Variants in IGF2BP3 observed in about 807,000 individuals in gnomAD.
IGF2BP3 encodes the protein insulin like growth factor 2 mRNA binding protein 3.
A neutral mutation model predicts 73.8 loss-of-function variants in IGF2BP3; 9 were observed. That is an observed-to-expected ratio of 0.12 (90% CI 0.07 to 0.21). The LOEUF (loss-of-function observed/expected upper bound fraction) is 0.21, where lower values mean the gene tolerates loss of function less well. Among genes scored for constraint, IGF2BP3 ranks in the 10% least tolerant of loss-of-function variants. The pLI is 1.00. For synonymous variants in IGF2BP3, 258 were observed against 256.7 expected, an observed-to-expected ratio of 1.01 and a Z score of -0.05; for missense variants, 542 against 714.0, an observed-to-expected ratio of 0.76 and a Z score of 2.75.
In IGF2BP3 at chr7:23,313,600, T is replaced by C; in HGVS notation, c.1449A>G (p.Lys483=). 1 of 1,613,984 alleles carries C rather than the reference T, an allele frequency of 6.2e-7. No homozygotes were observed. The highest frequency in any genetic ancestry group is 8.5e-7 in the Non-Finnish European group (1 of 1,179,914). Residue 483 remains lysine (K), a synonymous_variant, in exon 13 of 15, where the codon AAA becomes AAG. Transcript: ENST00000258729. ...TATGAGCTTCAAGTTTCACCTCTTC[T>C]TTAGGACTAACAAAGTTTTCTTCTT... ...KIKEENFVSP[K]EEVKLEAHIR... is the part of the protein sequence containing the mutation.
Position 23,470,214 on chromosome 7 carries a change from C to T in IGF2BP3, c.-104G>A. ...GCTGGTTTTGTTCCCCTCGTCTTCT[C>T]GCCTTTAAAATACACAAACACAGTA... is the stretch of plus-strand genomic sequence containing the variant. On this transcript the variant is annotated 5_prime_UTR_variant, in exon 1 of 15. Transcript: ENST00000258729. The T allele has an allele frequency of 2.1e-5, 19 of 896,046 alleles. No homozygotes were observed. The highest frequency in any genetic ancestry group is 3.1e-5 in the Non-Finnish European group (18 of 587,138). 55.5% of individuals were successfully genotyped at this position (896,046 alleles called of 1,614,324 possible).
intron 3 of IGF2BP3, among the ~76,000 whole-genome samples, chr7:23,416,853 A>C (rs1035189821): frequency 6.6e-6 from 1 of 152,220 alleles, no homozygotes; most frequent in Non-Finnish European, 1.5e-5. Context: ...CAGGAGTTTG[A>C]GACTAGCCTA....
intron 6 of IGF2BP3, among the ~76,000 whole-genome samples, chr7:23,348,159 T>C (rs898878156): frequency 3.9e-5 from 6 of 152,206 alleles, no homozygotes; most frequent in Non-Finnish European, 8.8e-5. Flanking sequence ...TCTTCATTCA[T>C]TGGATGAGCA....
At chr7:23,362,326 T>A (rs1217642296) in intron 3 of IGF2BP3, among the ~76,000 whole-genome samples, 3 of 152,204 alleles carry the variant, frequency 2.0e-5, no homozygotes, top group African/African-American at 7.2e-5. Context: ...AAGGACTTCT[T>A]TTACAGCTCG....
Position 23,329,307 on chromosome 7 carries a change from G to A in IGF2BP3, c.1204-10053C>T, listed in dbSNP as rs558851697. On this transcript the variant is annotated intron_variant, in intron 10 of 14. Transcript: ENST00000258729. Reference sequence around the variant, plus strand: ...CTTGGATATCTTTTTTCACTCAAACGTCCCTACTGCATTTTGACAAGAGTA... The same window carrying A: ...CTTGGATATCTTTTTTCACTCAAACATCCCTACTGCATTTTGACAAGAGTA... 2.6e-5 allele frequency among the ~76,000 whole-genome samples: 4 copies of A among 151,746 alleles called. No homozygotes were observed. In the South Asian group the frequency reaches 6.2e-4, roughly 24 times the overall value.
chr7:23,318,851 G>A (rs1259362140), intron 11 of IGF2BP3, among the ~76,000 whole-genome samples: 6 of 152,198 alleles, frequency 3.9e-5, no homozygotes, highest in Admixed American at 3.3e-4. Context: ...GGAACCAAGA[G>A]GGACCAAGGC....
Position 23,377,393 on chromosome 7 carries a change from A to G in IGF2BP3, c.286-15652T>C, listed in dbSNP as rs145881360. On this transcript the variant is annotated intron_variant, in intron 3 of 14. Coordinates refer to ENST00000258729, the MANE Select transcript of IGF2BP3 (RefSeq NM_006547.3). The stretch of plus-strand genomic sequence containing the variant: ...GAAACAATGCTCGACATCATTAGTC[A>G]GTAGGGTAACAGAAATCAAACTAAA... Among the ~76,000 whole-genome samples the G allele has an allele frequency of 5.3e-5, 8 of 152,362 alleles. No individual in the cohort carries two copies. The East Asian group carries it at 1.5e-3, about 29-fold the overall frequency.
intron 2 of IGF2BP3, among the ~76,000 whole-genome samples, chr7:23,419,880 A>T (rs1787295989): frequency 6.6e-6 from 1 of 152,140 alleles, no homozygotes; most frequent in South Asian, 2.1e-4. Flanking sequence ...GACATACTGA[A>T]ACATAAGAAG....
intron 2 of IGF2BP3, among the ~76,000 whole-genome samples, chr7:23,452,818 T>TG (rs1231643817): frequency 1.8e-5 from 2 of 109,370 alleles, no homozygotes; most frequent in Non-Finnish European, 3.9e-5. Context: ...AAAAAAAAAG[T>TG]GGGGGGCGCA....
chr7:23,400,676 T>C (rs1786629954), intron 3 of IGF2BP3, among the ~76,000 whole-genome samples: 1 of 152,258 alleles, frequency 6.6e-6, no homozygotes, highest in African/African-American at 2.4e-5. Context: ...ACCTCATGAC[T>C]GTGTGCATGG....
chr7:23,440,586 G>T (rs1376143360), intron 2 of IGF2BP3, among the ~76,000 whole-genome samples: 1 of 152,208 alleles, frequency 6.6e-6, no homozygotes, highest in African/African-American at 2.4e-5. Context: ...TTAAGAATGT[G>T]TTACACAGCC....
intron 11 of IGF2BP3, among the ~76,000 whole-genome samples, chr7:23,318,853 G>A (rs1204385388): frequency 6.6e-6 from 1 of 152,166 alleles, no homozygotes; most frequent in Non-Finnish European, 1.5e-5. Flanking sequence ...AACCAAGAGG[G>A]ACCAAGGCCG....
Position 23,361,545 on chromosome 7 carries a change from G to A in IGF2BP3, c.390C>T (p.Asp130=), listed in dbSNP as rs745476145. The A allele has an allele frequency of 3.0e-5, 48 of 1,611,674 alleles. No individual in the cohort carries two copies. Among genetic ancestry groups the A allele is most frequent in the Admixed American group, 1.3e-4 (8 of 59,988 alleles). ...TTCAAGCTGCTTACTGTCTAGCTTG[G>A]TCCTTACTGGAATAGGTTACATTTA... The part of the protein sequence containing the change: ...AVVNVTYSSK[D]QARQALDKLN... Residue 130 remains aspartate (D), a synonymous_variant, in exon 5 of 15, where the codon GAC becomes GAT. Transcript: ENST00000258729.
intron 2 of IGF2BP3, among the ~76,000 whole-genome samples, chr7:23,424,591 A>G (rs1787446267): frequency 6.6e-6 from 1 of 152,144 alleles, no homozygotes; most frequent in East Asian, 1.9e-4. Context: ...AGCATGTTTA[A>G]TCACAAAAGA....
chr7:23,415,915 G>C (rs1787177124), intron 3 of IGF2BP3, among the ~76,000 whole-genome samples: 1 of 152,198 alleles, frequency 6.6e-6, no homozygotes, highest in Non-Finnish European at 1.5e-5. Context: ...ATCTCACTGA[G>C]ACAAGCACAA....
chr7:23,461,290 C>G (rs1441857903), intron 2 of IGF2BP3, among the ~76,000 whole-genome samples: 1 of 152,096 alleles, frequency 6.6e-6, no homozygotes, highest in Non-Finnish European at 1.5e-5. Flanking sequence ...AGGCTCAGTC[C>G]CTTGATGATC....
chr7:23,328,329 C>T (rs1784357403), intron 10 of IGF2BP3, among the ~76,000 whole-genome samples: 1 of 152,182 alleles, frequency 6.6e-6, no homozygotes, highest in South Asian at 2.1e-4. Context: ...CTGCTTCAGC[C>T]TCCTGAGTAG....
At chr7:23,460,226 G>A (rs1297789904) in intron 2 of IGF2BP3, among the ~76,000 whole-genome samples, 1 of 136,534 alleles carries the variant, frequency 7.3e-6, no homozygotes, top group Non-Finnish European at 1.6e-5. Flanking sequence ...ACACTCACCA[G>A]AAATGTTAAA....
chr7:23,460,116 G>A (rs1269617506), intron 2 of IGF2BP3, among the ~76,000 whole-genome samples: 1 of 120,604 alleles, frequency 8.3e-6, no homozygotes, highest in African/African-American at 3.3e-5. Flanking sequence ...GCCTGTAGGT[G>A]CCTGTAGTCT....
Sources: gnomAD v4.1 joint callset for allele counts (sites outside exome capture counted in the v4.1 genomes callset) on GRCh38, gnomAD v4.1.1 for gene constraint, MANE v1.5 for transcripts, NCBI Gene and HGNC (gene_info 2026-07-23, HGNC 2026-07-21) for gene names.